RBL1: variants seen among roughly 807,000 people sequenced by gnomAD.
RBL1 encodes the protein RB transcriptional corepressor like 1, also known as retinoblastoma-like protein 1.
RBL1 carries 82 observed loss-of-function variants against 123.0 expected under a neutral mutation model. The ratio of observed to expected loss-of-function variants is 0.67; its 90% CI spans 0.56 to 0.80. RBL1 has a LOEUF of 0.80. RBL1 is among the 30% of genes least tolerant of loss of function. The pLI, the probability that RBL1 is intolerant of heterozygous loss-of-function variation, is 0.00. For synonymous variants in RBL1, 405 were observed against 441.3 expected, an observed-to-expected ratio of 0.92 and a Z score of 1.03; for missense variants, 1,171 against 1,299.6, an observed-to-expected ratio of 0.90 and a Z score of 1.52.
At chr20:37,067,761 C>T (rs999663513) in intron 3 of RBL1, among the ~76,000 whole-genome samples, 2 of 77,394 alleles carry the variant, frequency 2.6e-5, no homozygotes, top group African/African-American at 1.2e-4. Context: ...CAGAATGAGA[C>T]TCCTCAAAAA....
At chr20:36,999,878 A>G (rs1417564096) in intron 21 of RBL1, among the ~76,000 whole-genome samples, 1 of 152,120 alleles carries the variant, frequency 6.6e-6, no homozygotes, top group East Asian at 1.9e-4. Context: ...TTGGCCCCGC[A>G]AAGTGCCGAG....
intron 21 of RBL1, among the ~76,000 whole-genome samples, chr20:37,000,798 C>T (rs1392205846): frequency 7.0e-6 from 1 of 141,884 alleles, no homozygotes; most frequent in African/African-American, 2.6e-5. Context: ...CCCGGCCAGC[C>T]GCCCCGTCCG....
At chr20:37,066,237 A>C (rs902544426) in intron 6 of RBL1, among the ~76,000 whole-genome samples, 1 of 152,236 alleles carries the variant, frequency 6.6e-6, no homozygotes, top group Non-Finnish European at 1.5e-5. Flanking sequence ...TTAATTACCA[A>C]GGAGACAATG....
chr20:37,031,905 C>CTTTT (rs763127111), intron 16 of RBL1, among the ~76,000 whole-genome samples: 1 of 130,020 alleles, frequency 7.7e-6, no homozygotes, highest in Admixed American at 7.9e-5. Flanking sequence ...TACCTGGCTG[C>CTTTT]TTTTTTTTTT....
intron 16 of RBL1, among the ~76,000 whole-genome samples, chr20:37,032,184 G>C (rs1389982633): frequency 6.6e-6 from 1 of 152,022 alleles, no homozygotes; most frequent in Non-Finnish European, 1.5e-5. Flanking sequence ...TCATATGATG[G>C]AATATTTTTT....
intron 16 of RBL1, among the ~76,000 whole-genome samples, chr20:37,027,610 T>C (rs955854109): frequency 6.6e-6 from 1 of 152,210 alleles, no homozygotes; most frequent in Non-Finnish European, 1.5e-5. Context: ...TGATTCAAAA[T>C]GTGCTCGTAA....
At chr20:37,051,512 C>G (rs1258146985) in intron 11 of RBL1, among the ~76,000 whole-genome samples, 1 of 151,978 alleles carries the variant, frequency 6.6e-6, no homozygotes, top group African/African-American at 2.4e-5. Flanking sequence ...TGTACATAGA[C>G]AACTATCAAT....
At chr20:37,042,899 C>G (rs1336527717) in intron 13 of RBL1, among the ~76,000 whole-genome samples, 5 of 112,782 alleles carry the variant, frequency 4.4e-5, no homozygotes, top group South Asian at 3.4e-4. Context: ...ATCTTGTCCC[C>G]CCCCCTCCAA....
intron 9 of RBL1, among the ~76,000 whole-genome samples, chr20:37,057,268 A>T (rs1270898720): frequency 1.3e-5 from 2 of 152,124 alleles, no homozygotes; most frequent in Non-Finnish European, 2.9e-5. Context: ...TTTTTTGAGG[A>T]ACGTCCGTAC....
chr20:37,087,757 T>C (rs2065573404), intron 2 of RBL1, among the ~76,000 whole-genome samples: 1 of 152,182 alleles, frequency 6.6e-6, no homozygotes, highest in Non-Finnish European at 1.5e-5. Flanking sequence ...TTAGAAATTG[T>C]ACTTCCAGGA....
chr20:37,057,981 C>T (rs1181281066), intron 9 of RBL1, among the ~76,000 whole-genome samples: 1 of 151,802 alleles, frequency 6.6e-6, no homozygotes, highest in Non-Finnish European at 1.5e-5. Context: ...AAAAATTAGC[C>T]GGGCGTGGTG....
intron 16 of RBL1, among the ~76,000 whole-genome samples, chr20:37,029,201 C>A (rs1453484278): frequency 6.6e-6 from 1 of 152,070 alleles, no homozygotes; most frequent in Non-Finnish European, 1.5e-5. Context: ...AAGGAAACTA[C>A]CTAAACATAA....
At chr20:36,999,490 C>G (rs1335457205) in intron 21 of RBL1, among the ~76,000 whole-genome samples, 1 of 148,862 alleles carries the variant, frequency 6.7e-6, no homozygotes, top group African/African-American at 2.5e-5. Context: ...CCCTCTCCCT[C>G]TCCCCACGGT....
chr20:36,996,539 C>G lies in RBL1; in HGVS notation c.*2220G>C, dbSNP rs1264053444. ...CACTGCAGCCTCAGAATCTCCCAGT[C>G]TCAAGTGATCCTCTCATGTCAGTCT... On this transcript the variant is annotated 3_prime_UTR_variant, in exon 22 of 22. Coordinates refer to ENST00000373664, the MANE Select transcript of RBL1 (RefSeq NM_002895.5). 6.6e-6 allele frequency: 1 copy of G among 152,246 alleles called. No individual in the cohort carries two copies. The highest frequency in any genetic ancestry group is 2.4e-5 in the African/African-American group (1 of 41,446). The allele number at this position is 152,246 out of a possible 1,614,324, so 9.4% of individuals were successfully genotyped here. A position where few individuals can be genotyped will look rare whatever the true frequency, so the allele number is the denominator to read the frequency against.
At chr20:37,088,278 AAAAG>A (rs906651141) in intron 2 of RBL1, among the ~76,000 whole-genome samples, 8 of 151,922 alleles carry the variant, frequency 5.3e-5, no homozygotes, top group African/African-American at 1.5e-4. Flanking sequence ...AAAAAAAAAA[AAAAG>A]AGAGAGAGAG....
At chr20:37,056,987 TTCTTTCTATCTA>T (rs1426206993) in intron 9 of RBL1, among the ~76,000 whole-genome samples, 2 of 36,818 alleles carry the variant, frequency 5.4e-5, no homozygotes, top group African/African-American at 7.2e-5. Flanking sequence ...ATATCTCTAT[TTCTTTCTATCTA>T]TCTATCTACC....
chr20:37,095,074 GA>G (rs1162504319), intron 1 of RBL1, among the ~76,000 whole-genome samples: 1 of 152,134 alleles, frequency 6.6e-6, no homozygotes, highest in African/African-American at 2.4e-5. Flanking sequence ...GAATGATGGG[GA>G]AAAAAATCAA....
rs2064700933 is a variant in RBL1 at position 37,040,282 on chromosome 20, T to C, written c.1774A>G (p.Ile592Val). The C allele has an allele frequency of 1.9e-6, 3 of 1,613,032 alleles. No homozygotes were observed. The highest frequency in any genetic ancestry group is 2.5e-6 in the Non-Finnish European group (3 of 1,179,754). Reference sequence around the variant, plus strand: ...CCTGTTTCAAAGTTATTTGGGAATATAACCTGTAGAAAACAAAAACCCTTT... The same window carrying C: ...CCTGTTTCAAAGTTATTTGGGAATACAACCTGTAGAAAACAAAAACCCTTT... Reference protein sequence around the residue: ...ANKVPTCEEVIFPNNFETGNG... With the variant: ...ANKVPTCEEVVFPNNFETGNG... The change falls in exon 14 of 22, where the codon ATA (isoleucine) becomes GTA (valine). Residue 592 changes from isoleucine (I) to valine (V), a missense_variant. Physicochemically the swap from Ile to Val is conservative, Grantham distance 29. Coordinates refer to ENST00000373664, the MANE Select transcript of RBL1 (RefSeq NM_002895.5).
intron 21 of RBL1, among the ~76,000 whole-genome samples, chr20:36,999,459 TCCTCTCCCTCTCCCTCCTCTC>T (rs1442062242): frequency 2.3e-5 from 3 of 127,934 alleles, no homozygotes; most frequent in African/African-American, 6.6e-5. Context: ...TCTCCCTCCC[TCCTCTCCCTCTCCCTCCTCTC>T]CCTCTCCCTC....
Sources: allele counts gnomAD v4.1 joint callset (sites outside exome capture counted in the v4.1 genomes callset), GRCh38; gene constraint gnomAD v4.1.1; transcripts MANE v1.5; gene names NCBI Gene and HGNC (gene_info 2026-07-23, HGNC 2026-07-21).